The following ATG5 variants were observed in gnomAD, a reference collection of about 807,000 sequenced individuals.
ATG5 encodes the protein autophagy protein 5.
ATG5 carries 14 observed loss-of-function variants against 36.5 expected under a neutral mutation model. That is an observed-to-expected ratio of 0.38 (90% confidence interval 0.25 to 0.60). ATG5 has a LOEUF of 0.60. ATG5 is among the 20% of genes least tolerant of loss of function. The pLI, the probability that ATG5 is intolerant of heterozygous loss-of-function variation, is 0.60. For missense variants in ATG5, 195 were observed against 326.7 expected, an observed-to-expected ratio of 0.60 and a Z score of 3.11; for synonymous variants, 95 against 101.5, an observed-to-expected ratio of 0.94 and a Z score of 0.38.
At chr6:106,205,687 T>C (rs2114370949) in intron 6 of ATG5, among the ~76,000 whole-genome samples, 1 of 152,116 alleles carries the variant, frequency 6.6e-6, no homozygotes, top group Non-Finnish European at 1.5e-5. Context: ...TTTATATATC[T>C]TTTTTTTCAC....
At chr6:106,251,351 G>A (rs1778567868) in intron 5 of ATG5, among the ~76,000 whole-genome samples, 2 of 152,034 alleles carry the variant, frequency 1.3e-5, no homozygotes, top group African/African-American at 4.8e-5. Context: ...GCCTTTGCAG[G>A]TGGGACCCCT....
intron 6 of ATG5, among the ~76,000 whole-genome samples, chr6:106,231,694 T>C (rs1214870992): frequency 6.6e-6 from 1 of 152,184 alleles, no homozygotes; most frequent in Non-Finnish European, 1.5e-5. Flanking sequence ...GATAAGTTTA[T>C]CACTCAGTCA....
At chr6:106,240,348 T>C (rs969357864) in intron 6 of ATG5, among the ~76,000 whole-genome samples, 1 of 148,314 alleles carries the variant, frequency 6.7e-6, no homozygotes, top group Non-Finnish European at 1.5e-5. Flanking sequence ...TTAATATATT[T>C]ATAGATATTA....
chr6:106,293,119 C>G lies in ATG5; in HGVS notation c.237-13G>C. The G allele has an allele frequency of 6.2e-7, 1 of 1,605,218 alleles. No homozygotes were observed. Among genetic ancestry groups the G allele is most frequent in the Non-Finnish European group, 8.5e-7 (1 of 1,173,100 alleles). The stretch of plus-strand genomic sequence containing the variant: ...AATTGGATAATGCCTAAAAATGAAA[C>G]AGTATATTTTGAGAAAATAAATATT... On this transcript the variant is annotated splice_polypyrimidine_tract_variant and intron_variant, in intron 3 of 7. Coordinates refer to ENST00000369076, the MANE Select transcript of ATG5 (RefSeq NM_004849.4).
rs77204937 is a variant in ATG5, at chr6:106,317,463, A to G, written c.-58-1197T>C. ...GATGGTATAAATTAATTAGTTAAAG[A>G]AAGAAAAAGTTGGAGGTCAACTGGA... On this transcript the variant is annotated intron_variant, in intron 1 of 7. Transcript: ENST00000369076. 2.6e-3 allele frequency among the ~76,000 whole-genome samples: 402 copies of G among 152,278 alleles called. 1 individual carries two copies. Among genetic ancestry groups the G allele is most frequent in the Non-Finnish European group, 4.3e-3 (295 of 68,000 alleles).
intron 7 of ATG5, among the ~76,000 whole-genome samples, chr6:106,194,286 C>G (rs961359859): frequency 6.6e-6 from 1 of 152,080 alleles, no homozygotes; most frequent in Non-Finnish European, 1.5e-5. Context: ...GGGGCAGTGC[C>G]ATCACACTGA....
Position 106,248,144 on chromosome 6 carries a change from T to G in ATG5, c.573+6A>C, listed in dbSNP as rs1041777904. 6.4e-7 allele frequency: 1 copy of G among 1,572,656 alleles called. No homozygotes were observed. The highest frequency in any genetic ancestry group is 8.7e-7 in the Non-Finnish European group (1 of 1,142,912). ...AATGGATGTTTTTTAAAATGTTATT[T>G]CCTACCTGATATATTCTAAAGGGGA... On this transcript the variant is annotated splice_donor_region_variant and intron_variant, in intron 6 of 7. Transcript: ENST00000369076.
At chr6:106,298,964 A>G (rs1770094667) in intron 3 of ATG5, among the ~76,000 whole-genome samples, 2 of 152,238 alleles carry the variant, frequency 1.3e-5, no homozygotes, top group Admixed American at 1.3e-4. Context: ...CAGATATTAT[A>G]TACAGTTTTG....
chr6:106,253,929 A>C (rs971905455), intron 5 of ATG5, among the ~76,000 whole-genome samples: 1 of 152,128 alleles, frequency 6.6e-6, no homozygotes, highest in African/African-American at 2.4e-5. Context: ...TGAGTAACAA[A>C]ATACCTCTTC....
chr6:106,291,762 A>G (rs762385681), intron 4 of ATG5, among the ~76,000 whole-genome samples: 1 of 152,250 alleles, frequency 6.6e-6, no homozygotes, highest in Non-Finnish European at 1.5e-5. Context: ...CTAAACTTAA[A>G]TTGTTGTATA....
At chr6:106,268,453 T>C (rs1202904635) in intron 5 of ATG5, among the ~76,000 whole-genome samples, 3 of 152,178 alleles carry the variant, frequency 2.0e-5, no homozygotes, top group African/African-American at 7.2e-5. Context: ...GTTCAACCAT[T>C]GTGGAACAGT....
intron 5 of ATG5, among the ~76,000 whole-genome samples, chr6:106,252,390 TG>T (rs1778627981): frequency 2.6e-5 from 4 of 152,010 alleles, no homozygotes; most frequent in African/African-American, 9.7e-5. Flanking sequence ...TCAAAAATCC[TG>T]ATGGTCATCC....
At chr6:106,188,279 T>A (rs1015104389) in intron 7 of ATG5, among the ~76,000 whole-genome samples, 4 of 152,230 alleles carry the variant, frequency 2.6e-5, no homozygotes, top group Non-Finnish European at 4.4e-5. Flanking sequence ...TTTCTTAGAA[T>A]ATTTGAAAAC....
chr6:106,242,728 GTTGTGTA>G (rs1778177354), intron 6 of ATG5, among the ~76,000 whole-genome samples: 1 of 152,158 alleles, frequency 6.6e-6, no homozygotes, highest in East Asian at 1.9e-4. Flanking sequence ...TACAAATGAT[GTTGTGTA>G]TCTTTTTGAA....
intron 5 of ATG5, among the ~76,000 whole-genome samples, chr6:106,276,203 G>A (rs1241747873): frequency 2.0e-5 from 3 of 152,118 alleles, no homozygotes; most frequent in East Asian, 1.9e-4. Context: ...GGTGGCTCAC[G>A]CCTGTAATCC....
chr6:106,249,576 G>A (rs1778483927), intron 5 of ATG5, among the ~76,000 whole-genome samples: 1 of 152,136 alleles, frequency 6.6e-6, no homozygotes, highest in Admixed American at 6.5e-5. Context: ...TTTTCGTGTG[G>A]ACATATGTTT....
At chr6:106,287,869 A>G (rs1043992058) in intron 4 of ATG5, among the ~76,000 whole-genome samples, 13 of 152,108 alleles carry the variant, frequency 8.5e-5, no homozygotes, top group African/African-American at 3.1e-4. Context: ...ATGCCTATAG[A>G]ATTAATGAAA....
chr6:106,196,764 A>G (rs1776210736), intron 7 of ATG5, among the ~76,000 whole-genome samples: 1 of 152,032 alleles, frequency 6.6e-6, no homozygotes, highest in Non-Finnish European at 1.5e-5. Flanking sequence ...CAGTTATACA[A>G]TTCTTTAAAG....
chr6:106,300,662 A>G (rs1449343373), intron 3 of ATG5, among the ~76,000 whole-genome samples: 1 of 152,070 alleles, frequency 6.6e-6, no homozygotes, highest in Non-Finnish European at 1.5e-5. Context: ...AATCCTGTAC[A>G]TCATGTTACT....
Sources: allele counts gnomAD v4.1 joint callset (sites outside exome capture counted in the v4.1 genomes callset), GRCh38; gene constraint gnomAD v4.1.1; transcripts MANE v1.5; gene names NCBI Gene and HGNC (gene_info 2026-07-23, HGNC 2026-07-21).